The following DPP6 variants were observed in gnomAD, a reference collection of about 807,000 sequenced individuals.
The protein encoded by DPP6 is A-type potassium channel modulatory protein DPP6.
DPP6 carries 69 observed loss-of-function variants against 122.6 expected under a neutral mutation model. The observed-to-expected ratio is 0.56, with a 90% CI of 0.46 to 0.69. DPP6 has a LOEUF of 0.69. Ranked by LOEUF, DPP6 falls within the 30% of genes least tolerant of loss-of-function variation. DPP6 has a pLI of 0.00. For missense variants in DPP6, 928 were observed against 1,116.9 expected (o/e 0.83, Z 2.41); for synonymous variants, 418 against 433.1 (o/e 0.97, Z 0.43).
rs1810225171 is a variant in DPP6 at position 154,344,535 on chromosome 7, TA to T, written c.244-101678del. Among the ~76,000 whole-genome samples the T allele has an allele frequency of 2.0e-5, 3 of 152,230 alleles. No homozygotes were observed. The South Asian group carries it at 6.2e-4, about 32-fold the overall frequency. ...TTCCTTAACAAACTGAAAATTGAGC[TA>T]CCAGGGAAAGGTTTTAACAAGAGTA... On this transcript the variant is annotated intron_variant, in intron 1 of 25. Transcript: ENST00000377770.
At chr7:154,055,213 T>C (rs1173319061) in intron 1 of DPP6, among the ~76,000 whole-genome samples, 3 of 144,534 alleles carry the variant, frequency 2.1e-5, no homozygotes, top group Non-Finnish European at 4.5e-5. Flanking sequence ...TGCACATATA[T>C]ATCTGGCACA....
In DPP6 at chr7:153,951,991, C is replaced by T. The variant is rs567876995; in HGVS notation, c.51+64257C>T. On this transcript the variant is annotated intron_variant, in intron 1 of 25. Coordinates refer to the DPP6 transcript ENST00000404039. ...CCGGGAAGCGGAGGTTGCAGTGAGC[C>T]GAGATCGTGCCACTGCACTCCAGCC... is the stretch of plus-strand genomic sequence containing the variant. 5.9e-5 allele frequency among the ~76,000 whole-genome samples: 9 copies of T among 152,194 alleles called. No individual in the cohort carries two copies. In the East Asian group the frequency reaches 1.2e-3, roughly 20 times the overall value.
At chr7:154,845,160 C>T (rs1213489225) in intron 16 of DPP6, among the ~76,000 whole-genome samples, 2 of 152,190 alleles carry the variant, frequency 1.3e-5, no homozygotes, top group East Asian at 3.8e-4. Flanking sequence ...GTTCGTCAAA[C>T]ATTTTTATAC....
rs752633287 is a variant in DPP6 at position 154,801,455 on chromosome 7, C to T, written c.1400C>T (p.Ser467Leu). ...RGKFYHITVS[S>L]SQPNSSNDNI... ...AAATTCTATCACATCACGGTGTCCT[C>T]GTCCCAGGTAAGTCCTGCTAGTTTC... The change falls in exon 13 of 26, where the codon TCG (serine) becomes TTG (leucine). Residue 467 changes from serine to leucine, a missense_variant. By Grantham distance (145) the Ser-to-Leu change is moderately radical (BLOSUM62 -2). Transcript: ENST00000377770. 1.3e-5 allele frequency: 20 copies of T among 1,578,300 alleles called. No homozygotes were observed. The South Asian group carries it at 1.4e-4, about 11-fold the overall frequency.
chr7:154,718,762 C>G lies in DPP6; in HGVS notation c.763-9005C>G, dbSNP rs112732514. On this transcript the variant is annotated intron_variant, in intron 7 of 25. Transcript: ENST00000377770. ...TCAAGTGATTCTCCAGCCTCAGTGT[C>G]CCAAGTAGCTGGGATTACAGGCACC... Among the ~76,000 whole-genome samples the G allele has an allele frequency of 4.8e-3, 735 of 151,584 alleles. 3 individuals carry two copies. The highest frequency in any genetic ancestry group is 0.016 in the African/African-American group (680 of 41,340).
the DPP6 span, among the ~76,000 whole-genome samples, chr7:153,785,956 A>C: frequency 2.6e-5 from 4 of 152,092 alleles, no homozygotes; most frequent in Non-Finnish European, 4.4e-5. Context: ...AATGGAAATA[A>C]ATAACAAATG....
Position 154,142,445 on chromosome 7 carries a change from G to C in DPP6, c.243+89382G>C, listed in dbSNP as rs1376379395. Among the ~76,000 whole-genome samples the C allele has an allele frequency of 2.6e-5, 4 of 152,340 alleles. No individual in the cohort carries two copies. The East Asian group carries it at 7.7e-4, about 29-fold the overall frequency. On this transcript the variant is annotated intron_variant, in intron 1 of 25. Coordinates refer to ENST00000377770, the MANE Select transcript of DPP6 (RefSeq NM_130797.4). ...TAATACGTCCCCCCAAATATGTGCA[G>C]AAGTGGAATGTGAAGACAATAAACA... is the stretch of plus-strand genomic sequence containing the variant.
chr7:154,398,475 A>T (rs1175139926), intron 1 of DPP6, among the ~76,000 whole-genome samples: 1 of 152,210 alleles, frequency 6.6e-6, no homozygotes, highest in Non-Finnish European at 1.5e-5. Flanking sequence ...CTTCGTGACC[A>T]ATCTGAACAC....
intron 8 of DPP6, among the ~76,000 whole-genome samples, chr7:154,732,465 A>G (rs1225955314): frequency 2.0e-5 from 3 of 152,226 alleles, no homozygotes; most frequent in African/African-American, 7.2e-5. Flanking sequence ...TGCCATTATC[A>G]TGGAATGACT....
chr7:154,075,104 A>T (rs1167433379), intron 1 of DPP6, among the ~76,000 whole-genome samples: 1 of 152,232 alleles, frequency 6.6e-6, no homozygotes, highest in East Asian at 1.9e-4. Flanking sequence ...CCACAATGCA[A>T]TACCACCTTC....
At chr7:154,620,125 C>T (rs1404967084) in intron 5 of DPP6, among the ~76,000 whole-genome samples, 2 of 152,200 alleles carry the variant, frequency 1.3e-5, no homozygotes, top group African/African-American at 4.8e-5. Flanking sequence ...CCCAGCTCCT[C>T]TAGAGGACTT....
intron 1 of DPP6, among the ~76,000 whole-genome samples, chr7:153,957,267 A>G (rs1241199442): frequency 6.6e-6 from 1 of 152,186 alleles, no homozygotes; most frequent in African/African-American, 2.4e-5. Context: ...TGAAGAGTCC[A>G]AGGACGCCAC....
intron 7 of DPP6, among the ~76,000 whole-genome samples, chr7:154,704,969 C>T (rs1195817177): frequency 5.9e-5 from 9 of 152,094 alleles, no homozygotes; most frequent in African/African-American, 2.2e-4. Flanking sequence ...ACTCCTCAAG[C>T]AATTATTGTG....
intron 1 of DPP6, among the ~76,000 whole-genome samples, chr7:154,072,071 T>A (rs1291443747): frequency 6.6e-6 from 1 of 152,202 alleles, no homozygotes; most frequent in South Asian, 2.1e-4. Flanking sequence ...GTGTACTGAT[T>A]AGAGTTTCCT....
At chr7:154,575,009 GTT>G (rs1831448992) in intron 5 of DPP6, among the ~76,000 whole-genome samples, 1 of 144,318 alleles carries the variant, frequency 6.9e-6, no homozygotes, top group African/African-American at 2.6e-5. Flanking sequence ...GGGTGTGTGT[GTT>G]TGTGGGTGGT....
At chr7:153,854,395 AAAAC>A in the DPP6 span, among the ~76,000 whole-genome samples, 353 of 152,026 alleles carry the variant, frequency 2.3e-3, 1 homozygote, top group African/African-American at 7.8e-3. Flanking sequence ...TTACAAGAAA[AAAAC>A]AAACAACCCC....
intron 1 of DPP6, among the ~76,000 whole-genome samples, chr7:154,337,569 T>C (rs1052034345): frequency 6.6e-6 from 1 of 152,214 alleles, no homozygotes; most frequent in Middle Eastern, 3.2e-3. Flanking sequence ...TTGCACCATC[T>C]GTCATTTCTG....
chr7:154,521,919 G>A (rs1223547433), intron 3 of DPP6, among the ~76,000 whole-genome samples: 1 of 151,986 alleles, frequency 6.6e-6, no homozygotes. Flanking sequence ...ACAGTACCTG[G>A]TTGCATTCTT....
intron 3 of DPP6, among the ~76,000 whole-genome samples, chr7:154,494,418 ATT>A (rs1280802715): frequency 6.7e-6 from 1 of 148,680 alleles, no homozygotes; most frequent in African/African-American, 2.4e-5. Flanking sequence ...GATAACATAT[ATT>A]TATATATATA....
Sources: allele counts gnomAD v4.1 joint callset (sites outside exome capture counted in the v4.1 genomes callset), GRCh38; gene constraint gnomAD v4.1.1; transcripts MANE v1.5; gene names NCBI Gene and HGNC (gene_info 2026-07-23, HGNC 2026-07-21).